Variants in FRK observed in about 807,000 individuals in gnomAD.
FRK encodes fyn related Src family tyrosine kinase, also known as tyrosine-protein kinase FRK.
In FRK, 51 loss-of-function variants were observed where a neutral mutation model predicts 56.4. That is an observed-to-expected ratio of 0.90 (90% CI 0.72 to 1.14). The LOEUF (loss-of-function observed/expected upper bound fraction) is 1.14, where lower values mean the gene tolerates loss of function less well. FRK is among the 50% of genes most tolerant of loss of function. The pLI is 0.00. For synonymous variants in FRK, 245 were observed against 217.9 expected, an observed-to-expected ratio of 1.12 and a Z score of -1.10; for missense variants, 570 against 601.4, an observed-to-expected ratio of 0.95 and a Z score of 0.55.
At chr6:116,039,854 C>G (rs977580291) in intron 1 of FRK, among the ~76,000 whole-genome samples, 5 of 151,562 alleles carry the variant, frequency 3.3e-5, no homozygotes, top group African/African-American at 1.2e-4. Flanking sequence ...CCCTCGGAAG[C>G]CATGAGTGCT....
At chr6:116,094,466 C>T in the FRK span, among the ~76,000 whole-genome samples, 1 of 152,244 alleles carries the variant, frequency 6.6e-6, no homozygotes, top group Non-Finnish European at 1.5e-5. Flanking sequence ...GTATTTCTCC[C>T]ACCTTCTCAG....
intron 2 of FRK, among the ~76,000 whole-genome samples, chr6:115,970,621 G>A (rs1582663565): frequency 6.6e-6 from 1 of 152,202 alleles, no homozygotes; most frequent in Middle Eastern, 3.2e-3. Context: ...AGGCTAAGCT[G>A]GGCGTGGTGG....
At chr6:116,095,565 C>G in the FRK span, among the ~76,000 whole-genome samples, 2 of 152,166 alleles carry the variant, frequency 1.3e-5, no homozygotes, top group African/African-American at 2.4e-5. Context: ...CCTCAAAGCT[C>G]AAGTCCATCA....
At chr6:115,981,142 C>A (rs143373273) in intron 2 of FRK, among the ~76,000 whole-genome samples, 562 of 152,132 alleles carry the variant, frequency 3.7e-3, no homozygotes, top group Admixed American at 6.6e-3. Context: ...GGCTGATTCT[C>A]CAGGATTTTT....
intron 5 of FRK, among the ~76,000 whole-genome samples, chr6:115,951,038 A>C (rs1772725942): frequency 6.6e-6 from 1 of 152,172 alleles, no homozygotes; most frequent in Non-Finnish European, 1.5e-5. Context: ...GAGCAAAGGG[A>C]GGGACAGCAT....
chr6:115,944,561 A>G (rs761214556), intron 5 of FRK, 136 bp from the exon 6 acceptor site: 8 of 583,352 alleles, frequency 1.4e-5, no homozygotes, highest in South Asian at 2.8e-5. Flanking sequence ...CAAAATATAT[A>G]TATTTATCAT....
chr6:116,056,387 A>T (rs1172851941), intron 1 of FRK, among the ~76,000 whole-genome samples: 1 of 151,810 alleles, frequency 6.6e-6, no homozygotes, highest in Non-Finnish European at 1.5e-5. Flanking sequence ...TGCCTAGCAA[A>T]TTTTTTAATT....
chr6:116,068,513 A>G, the FRK span, among the ~76,000 whole-genome samples: 1 of 152,172 alleles, frequency 6.6e-6, no homozygotes, highest in Non-Finnish European at 1.5e-5. Context: ...GTATTTTACA[A>G]CTGGTTCTAT....
chr6:116,082,732 G>A, the FRK span, among the ~76,000 whole-genome samples: 1 of 152,208 alleles, frequency 6.6e-6, no homozygotes, highest in African/African-American at 2.4e-5. Flanking sequence ...CTTTTAGACA[G>A]TAGAGCTTAA....
At chr6:116,016,165 G>A (rs997785955) in intron 1 of FRK, among the ~76,000 whole-genome samples, 2 of 152,100 alleles carry the variant, frequency 1.3e-5, no homozygotes, top group Non-Finnish European at 2.9e-5. Flanking sequence ...AGAGAAAAAT[G>A]GTCTCATGGG....
At chr6:116,075,334 A>G in the FRK span, among the ~76,000 whole-genome samples, 2 of 152,118 alleles carry the variant, frequency 1.3e-5, no homozygotes, top group East Asian at 1.9e-4. Flanking sequence ...CATATGGATC[A>G]TTGTGAAGAT....
rs551708874 is a variant in FRK, at chr6:115,992,951, T to C, written c.466+10926A>G. Reference sequence around the variant, plus strand: ...TCTATTATATCAAAAAGCAAATAAATAGAGAACCAGAAAGGACATTGGGAG... The same window carrying C: ...TCTATTATATCAAAAAGCAAATAAACAGAGAACCAGAAAGGACATTGGGAG... On this transcript the variant is annotated intron_variant, in intron 2 of 7. Transcript: ENST00000606080. Among the ~76,000 whole-genome samples, 5 of 151,830 alleles carry C rather than the reference T, an allele frequency of 3.3e-5. No homozygotes were observed. The East Asian group carries it at 9.7e-4, about 29-fold the overall frequency.
intron 3 of FRK, 30 bp from the exon 4 acceptor site, chr6:115,967,749 TAAA>T (rs11398565): frequency 2.6e-5 from 32 of 1,211,066 alleles, no homozygotes; most frequent in Non-Finnish European, 3.4e-5. Flanking sequence ...GAGCAATTGT[TAAA>T]AAAAAAAAAG....
At chr6:116,024,765 C>A (rs1051177406) in intron 1 of FRK, among the ~76,000 whole-genome samples, 4 of 152,088 alleles carry the variant, frequency 2.6e-5, no homozygotes, top group South Asian at 2.1e-4. Context: ...ATTTATAGTC[C>A]TTTGGGTATA....
chr6:116,060,199 G>C lies in FRK; in HGVS notation c.113C>G (p.Pro38Arg). Residue 38 changes from proline (P) to arginine (R), a missense_variant, in exon 1 of 8, where the codon CCC becomes CGC. Pro to Arg is a moderately radical substitution (Grantham distance 103, BLOSUM62 -2). Transcript: ENST00000606080. ...GTAGTGGCCATGCCTCTGTGACTGG[G>C]GAGAGCAAAGGGCCCCTGGATTTTC... ...VIENPGALCS[P>R]QSQRHGHYFV... 2 of 1,614,146 alleles carry C rather than the reference G, an allele frequency of 1.2e-6. No individual in the cohort carries two copies. The highest frequency in any genetic ancestry group is 2.2e-5 in the South Asian group (2 of 91,078).
At chr6:115,942,768 G>C in intron 7 of FRK, 143 bp from the exon 8 acceptor site, 1 of 781,202 alleles carries the variant, frequency 1.3e-6, no homozygotes, top group Non-Finnish European at 2.0e-6. Context: ...CCCCTTCTCA[G>C]GTTACACAGA....
intron 2 of FRK, among the ~76,000 whole-genome samples, chr6:115,971,458 G>A (rs1773802637): frequency 6.6e-6 from 1 of 152,162 alleles, no homozygotes; most frequent in Non-Finnish European, 1.5e-5. Context: ...CACTGAATTT[G>A]AAGGTAACCT....
chr6:115,967,833 T>G, intron 3 of FRK, 114 bp from the exon 4 acceptor site: 1 of 789,566 alleles, frequency 1.3e-6, no homozygotes. Context: ...AAACAAAATA[T>G]TGTAAACTGT....
chr6:116,079,705 T>G, the FRK span, among the ~76,000 whole-genome samples: 2 of 152,080 alleles, frequency 1.3e-5, no homozygotes, highest in Non-Finnish European at 2.9e-5. Context: ...ACCCTCCCAC[T>G]GTGTGCCCTG....
Sources: allele counts gnomAD v4.1 joint callset (sites outside exome capture counted in the v4.1 genomes callset), GRCh38; gene constraint gnomAD v4.1.1; transcripts MANE v1.5; gene names NCBI Gene and HGNC (gene_info 2026-07-23, HGNC 2026-07-21).